Variants in LRRK1 observed in about 807,000 individuals in gnomAD.
LRRK1 encodes leucine-rich repeat serine/threonine-protein kinase 1.
Under a neutral mutation model 209.1 loss-of-function variants are expected in LRRK1, and 113 were observed. That is an observed-to-expected ratio of 0.54 (90% CI 0.46 to 0.63). LRRK1 has a LOEUF of 0.63. Among genes scored for constraint, LRRK1 ranks in the 30% least tolerant of loss-of-function variants. The pLI is 0.00. For synonymous variants in LRRK1, 1,144 were observed against 1,099.7 expected (o/e 1.04, Z -0.80); for missense variants, 2,284 against 2,632.2 (o/e 0.87, Z 2.89).
chr15:101,032,035 C>T (rs1438706161), intron 20 of LRRK1, among the ~76,000 whole-genome samples: 3 of 152,134 alleles, frequency 2.0e-5, no homozygotes, highest in Non-Finnish European at 4.4e-5. Flanking sequence ...CGCCGGCCTC[C>T]TCCCCAATAT....
rs11300421 is a variant in LRRK1, at chr15:101,048,099, GAA to G, written c.3136-384_3136-383del. Among the ~76,000 whole-genome samples the G allele has an allele frequency of 5.2e-4, 77 of 147,268 alleles. 1 individual carries two copies. In the East Asian group the frequency reaches 6.6e-3, roughly 13 times the overall value. ...TGTTTTTCACAAACATATGGAGATA[GAA>G]AAAAAAAAAATCCTGGAATAATATA... On this transcript the variant is annotated intron_variant, in intron 21 of 33. Coordinates refer to ENST00000388948, the MANE Select transcript of LRRK1 (RefSeq NM_024652.6).
chr15:100,983,388 A>C lies in LRRK1; in HGVS notation c.262-140A>C, dbSNP rs375099986. On this transcript the variant is annotated intron_variant, in intron 3 of 33. Coordinates refer to ENST00000388948, the MANE Select transcript of LRRK1 (RefSeq NM_024652.6). Reference sequence around the variant, plus strand: ...AGGAGCCACATTTCAAGTGCTGCCCAGTCACACTTGGCAGGTGCTGCCGTT... The same window carrying C: ...AGGAGCCACATTTCAAGTGCTGCCCCGTCACACTTGGCAGGTGCTGCCGTT... The C allele has an allele frequency of 3.3e-5, 22 of 663,672 alleles. No individual in the cohort carries two copies. In the East Asian group the frequency reaches 5.5e-4, roughly 17 times the overall value. 41.1% of individuals were successfully genotyped at this position (663,672 alleles called of 1,614,324 possible).
chr15:100,928,822 G>T (rs1272689126), intron 2 of LRRK1, among the ~76,000 whole-genome samples: 1 of 152,184 alleles, frequency 6.6e-6, no homozygotes, highest in South Asian at 2.1e-4. Flanking sequence ...GCTTTGCCCA[G>T]CTGGTGTGAG....
intron 6 of LRRK1, among the ~76,000 whole-genome samples, chr15:100,997,819 T>C (rs906424473): frequency 6.6e-6 from 1 of 152,200 alleles, no homozygotes; most frequent in Non-Finnish European, 1.5e-5. Context: ...TCAAATGAAA[T>C]CAATAGTGAT....
chr15:101,013,443 C>T (rs760069831), intron 10 of LRRK1, among the ~76,000 whole-genome samples: 1 of 151,992 alleles, frequency 6.6e-6, no homozygotes. Context: ...CAAAGTAAAA[C>T]GTGGGCCAGG....
Position 101,070,262 on chromosome 15 carries a change from C to T in LRRK1, c.*1414C>T, listed in dbSNP as rs974190868. On this transcript the variant is annotated 3_prime_UTR_variant, in exon 34 of 34. Transcript: ENST00000388948. ...CCTGAGCAGCTTCCATGGGTGGAGA[C>T]GCTGCTCTGTCAGTCACAGGCTTGG... The T allele has an allele frequency of 2.7e-5, 4 of 150,518 alleles. No homozygotes were observed. Among genetic ancestry groups the T allele is most frequent in the South Asian group, 2.1e-4 (1 of 4,744 alleles). 9.3% of individuals were successfully genotyped at this position (150,518 alleles called of 1,614,324 possible).
chr15:100,984,480 A>ATCCCTCCC (rs1170307242), intron 4 of LRRK1, among the ~76,000 whole-genome samples: 3 of 18,840 alleles, frequency 1.6e-4, no homozygotes, highest in Middle Eastern at 0.022. Flanking sequence ...CCCTGGCCCC[A>ATCCCTCCC]TCCCTCCCTC....
intron 20 of LRRK1, among the ~76,000 whole-genome samples, chr15:101,036,613 G>A (rs1239854199): frequency 6.6e-6 from 1 of 151,914 alleles, no homozygotes; most frequent in Non-Finnish European, 1.5e-5. Flanking sequence ...TTATAAATTT[G>A]TTCTTGATTA....
At chr15:100,942,896 C>T (rs1485567478) in intron 2 of LRRK1, among the ~76,000 whole-genome samples, 2 of 152,166 alleles carry the variant, frequency 1.3e-5, no homozygotes, top group East Asian at 1.9e-4. Context: ...CGGAGACGGC[C>T]TCCATGTCCA....
At chr15:101,061,320 G>A in intron 30 of LRRK1, 32 bp downstream of exon 30, 3 of 1,491,602 alleles carry the variant, frequency 2.0e-6, no homozygotes, top group Admixed American at 1.7e-5. Context: ...GCCCACCGAG[G>A]TAAGCACTGC....
At chr15:101,029,294 T>G (rs1596297300) in intron 20 of LRRK1, 62 bp downstream of exon 20, 1 of 1,500,612 alleles carries the variant, frequency 6.7e-7, no homozygotes, top group South Asian at 1.3e-5. Context: ...GGAGTTGGGG[T>G]CTGGAGCCAC....
At chr15:100,921,186 T>C (rs1224121149) in intron 1 of LRRK1, among the ~76,000 whole-genome samples, 1 of 152,196 alleles carries the variant, frequency 6.6e-6, no homozygotes, top group African/African-American at 2.4e-5. Context: ...CTCATTCCCA[T>C]AACTGTACAG....
chr15:100,928,731 C>T (rs2042157515), intron 2 of LRRK1, among the ~76,000 whole-genome samples: 1 of 152,116 alleles, frequency 6.6e-6, no homozygotes, highest in Non-Finnish European at 1.5e-5. Context: ...TTTTCACACC[C>T]CCTACCTGTT....
chr15:100,932,042 A>G (rs969902705), intron 2 of LRRK1, among the ~76,000 whole-genome samples: 2 of 151,894 alleles, frequency 1.3e-5, no homozygotes, highest in Non-Finnish European at 2.9e-5. Context: ...CTGGAGTGCA[A>G]TGGCGCAACC....
intron 3 of LRRK1, among the ~76,000 whole-genome samples, chr15:100,980,443 G>A (rs1243235942): frequency 6.6e-6 from 1 of 152,218 alleles, no homozygotes; most frequent in Non-Finnish European, 1.5e-5. Context: ...AGACTACCAT[G>A]GGTGCGTGGC....
In LRRK1 at chr15:101,065,888, C is replaced by A; in HGVS notation, c.5451C>A (p.Ser1817Arg). The part of the protein sequence containing the change: ...VPEGDSIADV[S>R]IMYSEELGTQ... The stretch of plus-strand genomic sequence containing the variant: ...AGGGGGACTCCATCGCGGACGTGAG[C>A]ATCATGTACAGTGAGGAGCTGGGCA... Residue 1817 changes from serine (S) to arginine (R), a missense_variant, in exon 32 of 34, where the codon AGC becomes AGA. This residue lies in a region of LRRK1 where 643 missense variants were observed against 695.9 expected (regional missense o/e 0.92). Transcript: ENST00000388948. 1 of 1,614,166 alleles carries A rather than the reference C, an allele frequency of 6.2e-7. No homozygotes were observed. The highest frequency in any genetic ancestry group is 8.5e-7 in the Non-Finnish European group (1 of 1,180,032).
Position 100,941,280 on chromosome 15 carries a change from G to A in LRRK1, c.97+16551G>A, listed in dbSNP as rs1438344847. 6.2e-4 allele frequency among the ~76,000 whole-genome samples: 37 copies of A among 59,668 alleles called. 1 individual carries two copies. The highest frequency in any genetic ancestry group is 3.3e-3 in the Admixed American group (21 of 6,454). The allele number at this position is 59,668 out of a possible 152,430, so 39.1% of individuals were successfully genotyped here. ...TGTGTCTGTGTCTCTGTGTGTGTCCGTGTGTGTGTCTGTGTGTGTCTATGT... is the reference window on the plus strand; with the variant it reads ...TGTGTCTGTGTCTCTGTGTGTGTCCATGTGTGTGTCTGTGTGTGTCTATGT... On this transcript the variant is annotated intron_variant, in intron 2 of 33. Coordinates refer to ENST00000388948, the MANE Select transcript of LRRK1 (RefSeq NM_024652.6).
At chr15:101,064,162 G>A (rs2036380458) in intron 31 of LRRK1, among the ~76,000 whole-genome samples, 1 of 152,274 alleles carries the variant, frequency 6.6e-6, no homozygotes, top group Non-Finnish European at 1.5e-5. Context: ...ATAGAGACCT[G>A]GAGCCTGTTT....
chr15:101,048,406 T>G, intron 21 of LRRK1, 88 bp from the exon 22 acceptor site: 1 of 1,201,216 alleles, frequency 8.3e-7, no homozygotes, highest in Non-Finnish European at 1.2e-6. Flanking sequence ...TTTATCAAGA[T>G]GGGGCCCAGC....
Sources: gnomAD v4.1 joint callset for allele counts (sites outside exome capture counted in the v4.1 genomes callset) on GRCh38, gnomAD v4.1.1 for gene constraint, gnomAD v4.1.1 regional missense constraint, MANE v1.5 for transcripts, NCBI Gene and HGNC (gene_info 2026-07-23, HGNC 2026-07-21) for gene names.